Variants in HDAC4 observed in about 807,000 individuals in gnomAD.
HDAC4 encodes the protein histone deacetylase 4, also known as histone deacetylase A.
In HDAC4, 16 loss-of-function variants were observed where a neutral mutation model predicts 135.1. That is an observed-to-expected ratio of 0.12 (90% CI 0.08 to 0.18). HDAC4 has a LOEUF of 0.18. HDAC4 is among the 10% of genes least tolerant of loss of function. HDAC4 has a pLI of 1.00. For synonymous variants in HDAC4, 685 were observed against 653.4 expected, an observed-to-expected ratio of 1.05 and a Z score of -0.74; for missense variants, 1,143 against 1,511.8, an observed-to-expected ratio of 0.76 and a Z score of 4.05.
chr2:239,108,564 C>T (rs137999331), intron 14 of HDAC4, among the ~76,000 whole-genome samples: 1 of 152,258 alleles, frequency 6.6e-6, no homozygotes, highest in East Asian at 1.9e-4. Flanking sequence ...CTGGGGAGGA[C>T]GGTGCTGACT....
chr2:239,302,672 C>T (rs2052338966), intron 2 of HDAC4, among the ~76,000 whole-genome samples: 1 of 152,234 alleles, frequency 6.6e-6, no homozygotes, highest in African/African-American at 2.4e-5. Flanking sequence ...AGGACCCAGT[C>T]CAAGAGCACA....
rs2106367520 is a variant in HDAC4, at chr2:239,051,301, A to G, written c.*1796T>C. On this transcript the variant is annotated 3_prime_UTR_variant, in exon 27 of 27. Coordinates refer to ENST00000543185, the MANE Select transcript of HDAC4 (RefSeq NM_001378414.1). Reference sequence around the variant, plus strand: ...CACAATCGTTGGTGTCACTCCGAAAAGACCTACGGTCCCTCCTCTCACTTT... The same window carrying G: ...CACAATCGTTGGTGTCACTCCGAAAGGACCTACGGTCCCTCCTCTCACTTT... 6.6e-6 allele frequency: 1 copy of G among 152,436 alleles called. No individual in the cohort carries two copies. Among genetic ancestry groups the G allele is most frequent in the Middle Eastern group, 3.4e-3 (1 of 294 alleles). The allele number at this position is 152,436 out of a possible 1,614,324, so 9.4% of individuals were successfully genotyped here. A position where few individuals can be genotyped will look rare whatever the true frequency, so the allele number is the denominator to read the frequency against.
chr2:239,055,743 G>A (rs113838112), intron 24 of HDAC4, among the ~76,000 whole-genome samples: 4,867 of 150,470 alleles, frequency 0.032, 283 homozygotes, highest in African/African-American at 0.11. Context: ...AGGTTGAAAT[G>A]GATTATAAAA....
Position 239,095,164 on chromosome 2 carries a change from GACA to G in HDAC4, c.2234-111_2234-109del, listed in dbSNP as rs2036899914. ...TTCAGTGGCACTTGGGCATTTGTGG[GACA>G]ACGAGGGGCCACTGCTCCCCCTTGT... On this transcript the variant is annotated intron_variant, in intron 16 of 26. Coordinates refer to ENST00000543185, the MANE Select transcript of HDAC4 (RefSeq NM_001378414.1). 1.6e-5 allele frequency: 18 copies of G among 1,152,528 alleles called. No homozygotes were observed. The East Asian group carries it at 2.6e-4, about 17-fold the overall frequency. The allele number at this position is 1,152,528 out of a possible 1,614,324, so 71.4% of individuals were successfully genotyped here.
rs1188978501 is a variant in HDAC4, at chr2:239,048,887, C to T, written c.*4210G>A. The stretch of plus-strand genomic sequence containing the variant: ...CACCTAAAAGTAATTAAAAAGTCAA[C>T]ACAGCTGTGCGGAAAAGGGGACTCT... On this transcript the variant is annotated 3_prime_UTR_variant, in exon 27 of 27. Coordinates refer to ENST00000543185, the MANE Select transcript of HDAC4 (RefSeq NM_001378414.1). 1 of 152,262 alleles carries T rather than the reference C, an allele frequency of 6.6e-6. No individual in the cohort carries two copies. The highest frequency in any genetic ancestry group is 1.5e-5 in the Non-Finnish European group (1 of 68,060). 9.4% of individuals were successfully genotyped at this position (152,262 alleles called of 1,614,324 possible).
chr2:239,211,478 C>A (rs1417862843), intron 3 of HDAC4, among the ~76,000 whole-genome samples: 1 of 152,190 alleles, frequency 6.6e-6, no homozygotes, highest in Non-Finnish European at 1.5e-5. Flanking sequence ...ATGAAGAAAT[C>A]CCCAGCACTG....
chr2:239,393,304 G>A (rs909439711), intron 1 of HDAC4, among the ~76,000 whole-genome samples: 2 of 152,232 alleles, frequency 1.3e-5, no homozygotes, highest in African/African-American at 4.8e-5. Context: ...TAGAACAAGA[G>A]AGATCAGGTC....
chr2:239,116,466 G>A (rs1364005985), intron 12 of HDAC4, among the ~76,000 whole-genome samples: 2 of 152,206 alleles, frequency 1.3e-5, no homozygotes, highest in African/African-American at 2.4e-5. Context: ...CACGAGAAAC[G>A]CCTCTGGACG....
chr2:239,112,756 C>A (rs77761587), intron 13 of HDAC4, among the ~76,000 whole-genome samples: 1 of 152,216 alleles, frequency 6.6e-6, no homozygotes, highest in African/African-American at 2.4e-5. Context: ...GAAAGCCGGG[C>A]GCCTCCTTGC....
intron 12 of HDAC4, among the ~76,000 whole-genome samples, chr2:239,124,636 GCACATCATTCCA>G (rs146960414): frequency 3.8e-4 from 23 of 60,800 alleles, no homozygotes; most frequent in East Asian, 1.1e-3. Flanking sequence ...GCATGTGGCC[GCACATCATTCCA>G]CGTTATATGA....
In HDAC4 at chr2:239,299,903, C is replaced by T. The variant is rs981420747; in HGVS notation, c.22+52775G>A. 6.6e-6 allele frequency among the ~76,000 whole-genome samples: 1 copy of T among 152,188 alleles called. No homozygotes were observed. Among genetic ancestry groups the T allele is most frequent in the Non-Finnish European group, 1.5e-5 (1 of 68,030 alleles). On this transcript the variant is annotated intron_variant, in intron 2 of 26. Coordinates refer to ENST00000543185, the MANE Select transcript of HDAC4 (RefSeq NM_001378414.1). The surrounding 1 kb of genome is among the most constrained non-coding windows in gnomAD (Gnocchi z 4.0). ...CTAAGCAGATGGGAGACCGGCAGTC[C>T]TGGGGCTCGGGAGACAGGGGAGACA...
intron 1 of HDAC4, among the ~76,000 whole-genome samples, chr2:239,388,905 G>C (rs957858869): frequency 6.6e-6 from 1 of 152,200 alleles, no homozygotes; most frequent in Non-Finnish European, 1.5e-5. Context: ...GTTTTCCCAG[G>C]AAGCAGCAGA....
intron 2 of HDAC4, among the ~76,000 whole-genome samples, chr2:239,268,832 C>A (rs1264294257): frequency 6.6e-6 from 1 of 152,212 alleles, no homozygotes; most frequent in Non-Finnish European, 1.5e-5. Flanking sequence ...AGAAGCCTAC[C>A]AGGGGACCTT....
intron 17 of HDAC4, chr2:239,091,998 G>A (rs1299365617): frequency 6.6e-6 from 1 of 152,166 alleles, no homozygotes; most frequent in Non-Finnish European, 1.5e-5. Context: ...GTGAACCCGG[G>A]AGGCGGAGCT....
chr2:239,399,777 A>G (rs898337764), intron 1 of HDAC4, among the ~76,000 whole-genome samples: 4 of 152,164 alleles, frequency 2.6e-5, no homozygotes, highest in African/African-American at 9.7e-5. Flanking sequence ...TCAGCAAGCA[A>G]TTAGGTAGGT....
At chr2:239,196,358 G>A (rs1175152561) in intron 3 of HDAC4, among the ~76,000 whole-genome samples, 3 of 152,106 alleles carry the variant, frequency 2.0e-5, no homozygotes, top group East Asian at 3.8e-4. Context: ...CACCCTCTGC[G>A]TCCCTTCAAA....
intron 11 of HDAC4, among the ~76,000 whole-genome samples, chr2:239,130,797 G>A (rs994340599): frequency 6.6e-6 from 1 of 152,200 alleles, no homozygotes; most frequent in African/African-American, 2.4e-5. Flanking sequence ...GGGTCTTGGG[G>A]GGCCCTGTCT....
At chr2:239,054,880 A>C in intron 24 of HDAC4, 47 bp from the exon 25 acceptor site, 1 of 1,273,056 alleles carries the variant, frequency 7.9e-7, no homozygotes, top group Non-Finnish European at 1.2e-6. Flanking sequence ...TATAATCCAC[A>C]CGTGCGTTAG....
chr2:239,120,635 G>A (rs1356870236), intron 12 of HDAC4, among the ~76,000 whole-genome samples: 1 of 148,816 alleles, frequency 6.7e-6, no homozygotes, highest in African/African-American at 2.5e-5. Context: ...AATAGGGGGA[G>A]GGGTGGGGGA....
Sources: gnomAD v4.1 joint callset for allele counts (sites outside exome capture counted in the v4.1 genomes callset) on GRCh38, gnomAD v4.1.1 for gene constraint, Gnocchi (gnomAD v3.1) non-coding constraint, MANE v1.5 for transcripts, NCBI Gene and HGNC (gene_info 2026-07-23, HGNC 2026-07-21) for gene names.